CNTNAP5: variants seen among roughly 807,000 people sequenced by gnomAD.
CNTNAP5 encodes contactin associated protein family member 5, also known as contactin-associated protein-like 5.
CNTNAP5 carries 72 observed loss-of-function variants against 150.2 expected under a neutral mutation model. That is an observed-to-expected ratio of 0.48 (90% CI 0.40 to 0.58). CNTNAP5 has a LOEUF of 0.58. Ranked by LOEUF, CNTNAP5 falls within the 20% of genes least tolerant of loss-of-function variation. CNTNAP5 has a pLI of 0.00. For synonymous variants in CNTNAP5, 672 were observed against 619.8 expected (o/e 1.08, Z -1.25); for missense variants, 1,636 against 1,626.2 (o/e 1.01, Z -0.10).
intron 13 of CNTNAP5, among the ~76,000 whole-genome samples, chr2:124,701,109 G>T (rs953124075): frequency 6.6e-6 from 1 of 151,860 alleles, no homozygotes; most frequent in African/African-American, 2.4e-5. Context: ...CTCTAGACTT[G>T]GTCCTCCTGC....
intron 1 of CNTNAP5, among the ~76,000 whole-genome samples, chr2:124,045,757 C>G (rs912159847): frequency 3.9e-5 from 6 of 152,100 alleles, no homozygotes; most frequent in African/African-American, 1.4e-4. Context: ...CTATTACTGG[C>G]TTTATGTGTT....
chr2:124,291,243 A>G (rs1193050475), intron 3 of CNTNAP5, among the ~76,000 whole-genome samples: 10 of 152,042 alleles, frequency 6.6e-5, no homozygotes, highest in African/African-American at 2.4e-4. Context: ...GCTACCTACA[A>G]CCATTTTAAA....
At chr2:124,252,514 C>T (rs1687210442) in intron 3 of CNTNAP5, among the ~76,000 whole-genome samples, 1 of 152,142 alleles carries the variant, frequency 6.6e-6, no homozygotes, top group African/African-American at 2.4e-5. Flanking sequence ...GGTGGCAGCT[C>T]AAAAAGCCCT....
At chr2:124,415,270 A>C (rs1691888012) in intron 3 of CNTNAP5, among the ~76,000 whole-genome samples, 1 of 152,184 alleles carries the variant, frequency 6.6e-6, no homozygotes, top group Non-Finnish European at 1.5e-5. Flanking sequence ...CTCACCACTA[A>C]GTCATTCTTT....
intron 17 of CNTNAP5, among the ~76,000 whole-genome samples, chr2:124,777,484 G>T (rs1013335172): frequency 6.6e-6 from 1 of 152,124 alleles, no homozygotes; most frequent in South Asian, 2.1e-4. Flanking sequence ...CCGGGTACAA[G>T]CAATTCTCTT....
chr2:124,539,369 C>A (rs952336694), intron 10 of CNTNAP5, among the ~76,000 whole-genome samples: 1 of 152,148 alleles, frequency 6.6e-6, no homozygotes, highest in African/African-American at 2.4e-5. Flanking sequence ...AGATGCCATC[C>A]ACTTTAACAC....
intron 11 of CNTNAP5, among the ~76,000 whole-genome samples, chr2:124,596,098 T>A (rs1696823106): frequency 1.5e-5 from 2 of 135,752 alleles, no homozygotes; most frequent in African/African-American, 5.7e-5. Flanking sequence ...AGCTCCTGGA[T>A]TCATTGATTT....
At chr2:124,040,621 C>CTGTGTGTGTGTGTGTGTGTG (rs58364625) in intron 1 of CNTNAP5, among the ~76,000 whole-genome samples, 3 of 145,040 alleles carry the variant, frequency 2.1e-5, no homozygotes, top group African/African-American at 7.7e-5. Flanking sequence ...CTGTATGCCT[C>CTGTGTGTGTGTGTGTGTGTG]TGTGTGTGTG....
chr2:124,360,137 T>A (rs1327448364), intron 3 of CNTNAP5, among the ~76,000 whole-genome samples: 1 of 147,004 alleles, frequency 6.8e-6, no homozygotes, highest in Non-Finnish European at 1.5e-5. Flanking sequence ...CCCCTGCCTT[T>A]TTTTGTTTTC....
At chr2:124,491,306 T>C (rs971002915) in intron 7 of CNTNAP5, among the ~76,000 whole-genome samples, 2 of 152,164 alleles carry the variant, frequency 1.3e-5, no homozygotes, top group East Asian at 3.8e-4. Flanking sequence ...TGCCTTTCTA[T>C]GTCTGGTTTA....
At chr2:124,411,201 A>G (rs1691751377) in intron 3 of CNTNAP5, among the ~76,000 whole-genome samples, 1 of 152,202 alleles carries the variant, frequency 6.6e-6, no homozygotes, top group Non-Finnish European at 1.5e-5. Flanking sequence ...ATCTGAATAG[A>G]CCAATAACAG....
chr2:124,358,348 G>C (rs1304549205), intron 3 of CNTNAP5, among the ~76,000 whole-genome samples: 1 of 152,138 alleles, frequency 6.6e-6, no homozygotes, highest in South Asian at 2.1e-4. Context: ...ACGTTGAATA[G>C]GAGTGGTGAG....
intron 22 of CNTNAP5, among the ~76,000 whole-genome samples, chr2:124,904,404 C>A (rs936652123): frequency 3.3e-5 from 5 of 151,758 alleles, no homozygotes; most frequent in Non-Finnish European, 5.9e-5. Flanking sequence ...CATATCTTGG[C>A]GATTGTGAAT....
chr2:124,326,248 A>G (rs1689213659), intron 3 of CNTNAP5, among the ~76,000 whole-genome samples: 1 of 152,150 alleles, frequency 6.6e-6, no homozygotes, highest in Non-Finnish European at 1.5e-5. Flanking sequence ...AGCCATGTGC[A>G]TGGCCTGTGC....
intron 7 of CNTNAP5, among the ~76,000 whole-genome samples, chr2:124,489,261 C>T (rs2104847751): frequency 6.6e-6 from 1 of 152,252 alleles, no homozygotes; most frequent in East Asian, 1.9e-4. Context: ...ATTATTTTCC[C>T]ACAGTTCTGG....
intron 1 of CNTNAP5, among the ~76,000 whole-genome samples, chr2:124,077,633 C>T (rs17010827): frequency 0.062 from 9,469 of 152,214 alleles, 409 homozygotes; most frequent in East Asian, 0.19. Flanking sequence ...CCTTATTCTT[C>T]GAGTTTTAAT....
At chr2:124,851,972 A>G (rs1232138215) in intron 19 of CNTNAP5, among the ~76,000 whole-genome samples, 1 of 152,174 alleles carries the variant, frequency 6.6e-6, no homozygotes, top group Non-Finnish European at 1.5e-5. Context: ...AAATGAGAGG[A>G]TAGTGATGGA....
At chr2:124,786,398 A>AGAATGAAGGAAGGAAG in intron 17 of CNTNAP5, among the ~76,000 whole-genome samples, 1 of 45,224 alleles carries the variant, frequency 2.2e-5, no homozygotes, top group East Asian at 6.8e-4. Flanking sequence ...AAAGAAAGAA[A>AGAATGAAGGAAGGAAG]GAAGGAAGGA....
intron 7 of CNTNAP5, among the ~76,000 whole-genome samples, chr2:124,479,116 A>G (rs1356369542): frequency 1.3e-5 from 2 of 152,208 alleles, no homozygotes; most frequent in Admixed American, 1.3e-4. Context: ...GACATAAAAA[A>G]TACCTCACTA....
Sources: allele counts gnomAD v4.1 joint callset (sites outside exome capture counted in the v4.1 genomes callset), GRCh38; gene constraint gnomAD v4.1.1; transcripts MANE v1.5; gene names NCBI Gene and HGNC (gene_info 2026-07-23, HGNC 2026-07-21).